Variants in ARHGEF38 observed in about 807,000 individuals in gnomAD.
ARHGEF38 encodes Rho guanine nucleotide exchange factor 38.
In ARHGEF38, 79 loss-of-function variants were observed where a neutral mutation model predicts 79.9. The ratio of observed to expected loss-of-function variants is 0.99; its 90% CI spans 0.82 to 1.19. The LOEUF (loss-of-function observed/expected upper bound fraction) is 1.19. Ranked by LOEUF, ARHGEF38 falls within the 50% of genes most tolerant of loss-of-function variation. The probability of loss-of-function intolerance (pLI) is 0.00; values close to 1 mark genes in which losing one functional copy is unlikely to be tolerated. For synonymous variants in ARHGEF38, 366 were observed against 328.3 expected (o/e 1.11, Z -1.24); for missense variants, 962 against 907.2 (o/e 1.06, Z -0.78).
At chr4:105,605,283 A>T (rs1177822819) in intron 2 of ARHGEF38, among the ~76,000 whole-genome samples, 1 of 151,958 alleles carries the variant, frequency 6.6e-6, no homozygotes, top group Admixed American at 6.6e-5. Flanking sequence ...ACTTTTTTTT[A>T]ATTTTAATTT....
In ARHGEF38 at chr4:105,671,102, C is replaced by G. The variant is rs1375551193; in HGVS notation, c.2148+3399C>G. Reference sequence around the variant, plus strand: ...AAAAAATATATTAATGGCATATCTTCATAAATTGTTATTTGCTTTCTTTTT... The same window carrying G: ...AAAAAATATATTAATGGCATATCTTGATAAATTGTTATTTGCTTTCTTTTT... On this transcript the variant is annotated intron_variant, in intron 13 of 13. Transcript: ENST00000420470. Among the ~76,000 whole-genome samples, 3 of 152,180 alleles carry G rather than the reference C, an allele frequency of 2.0e-5. 1 individual carries two copies. Among genetic ancestry groups the G allele is most frequent in the Non-Finnish European group, 4.4e-5 (3 of 68,030 alleles).
chr4:105,569,434 C>T (rs1305420477), intron 1 of ARHGEF38, among the ~76,000 whole-genome samples: 2 of 152,140 alleles, frequency 1.3e-5, no homozygotes, highest in African/African-American at 2.4e-5. Flanking sequence ...GTCAATCTCC[C>T]CTCTTGCCCT....
intron 1 of ARHGEF38, among the ~76,000 whole-genome samples, chr4:105,562,104 A>G (rs2110402751): frequency 6.6e-6 from 1 of 152,256 alleles, no homozygotes; most frequent in Middle Eastern, 3.4e-3. Flanking sequence ...GCTTTTAAGT[A>G]AAAAAGGAAA....
chr4:105,599,253 C>T (rs1200424205), intron 2 of ARHGEF38, among the ~76,000 whole-genome samples: 3 of 152,264 alleles, frequency 2.0e-5, no homozygotes, highest in African/African-American at 7.2e-5. Flanking sequence ...CTTGTTGTTA[C>T]ATTTATAAGC....
At chr4:105,665,151 C>G (rs963474658) in intron 10 of ARHGEF38, among the ~76,000 whole-genome samples, 4 of 151,888 alleles carry the variant, frequency 2.6e-5, no homozygotes, top group Non-Finnish European at 4.4e-5. Context: ...GCACACACCA[C>G]CTCACTGGGC....
intron 13 of ARHGEF38, among the ~76,000 whole-genome samples, chr4:105,670,104 G>T (rs1032924800): frequency 6.6e-6 from 1 of 152,150 alleles, no homozygotes; most frequent in Non-Finnish European, 1.5e-5. Flanking sequence ...ATATTCGTGT[G>T]CAAGTCTTTG....
intron 10 of ARHGEF38, among the ~76,000 whole-genome samples, chr4:105,662,823 C>T (rs183166625): frequency 1.8e-4 from 28 of 152,052 alleles, no homozygotes; most frequent in Non-Finnish European, 7.4e-5. Flanking sequence ...ATCTTTGATC[C>T]CCACTTTGAA....
intron 2 of ARHGEF38, among the ~76,000 whole-genome samples, chr4:105,612,838 T>A (rs1208660381): frequency 1.3e-5 from 2 of 152,086 alleles, no homozygotes; most frequent in Non-Finnish European, 1.5e-5. Context: ...TTGTTAAGGG[T>A]GTGCATGAAA....
chr4:105,680,038 C>T lies in ARHGEF38; in HGVS notation c.*2101C>T. 3.4e-6 allele frequency: 3 copies of T among 886,540 alleles called. No individual in the cohort carries two copies. Among genetic ancestry groups the T allele is most frequent in the South Asian group, 2.6e-5 (2 of 76,730 alleles). 54.9% of individuals were successfully genotyped at this position (886,540 alleles called of 1,614,324 possible). A position where few individuals can be genotyped will look rare whatever the true frequency, so the allele number is the denominator to read the frequency against. On this transcript the variant is annotated 3_prime_UTR_variant, in exon 14 of 14. Transcript: ENST00000420470. ...TGGCCATGTCAGTTACATTCTTCTTCGTCTCACAGAAAATAATAGCCCTCC... is the reference window on the plus strand; with the variant it reads ...TGGCCATGTCAGTTACATTCTTCTTTGTCTCACAGAAAATAATAGCCCTCC...
chr4:105,679,450 C>T lies in ARHGEF38; in HGVS notation c.*1513C>T, dbSNP rs1199060382. ...GCACAGCTGACATCCTGTATTTCCT[C>T]TAGGCTTTCCAGAGTCATGGTCACA... On this transcript the variant is annotated 3_prime_UTR_variant, in exon 14 of 14. Coordinates refer to ENST00000420470, the MANE Select transcript of ARHGEF38 (RefSeq NM_001242729.2). 198 of 1,590,314 alleles carry T rather than the reference C, an allele frequency of 1.2e-4. No individual in the cohort carries two copies. Among genetic ancestry groups the T allele is most frequent in the South Asian group, 1.7e-4 (15 of 90,504 alleles).
chr4:105,650,631 GGCATGTGGTGACTCC>G (rs1403350036), intron 7 of ARHGEF38, among the ~76,000 whole-genome samples: 1 of 152,176 alleles, frequency 6.6e-6, no homozygotes, highest in Non-Finnish European at 1.5e-5. Context: ...AGCCCTGTGT[GGCATGTGGTGACTCC>G]TCTCTCTGGG....
intron 3 of ARHGEF38, among the ~76,000 whole-genome samples, chr4:105,619,336 T>C (rs958164308): frequency 6.6e-6 from 1 of 151,554 alleles, no homozygotes; most frequent in African/African-American, 2.4e-5. Flanking sequence ...GGCTTGAGAG[T>C]AAGGTCCTTG....
At chr4:105,595,251 C>T (rs1046102488) in intron 2 of ARHGEF38, among the ~76,000 whole-genome samples, 5 of 152,114 alleles carry the variant, frequency 3.3e-5, no homozygotes, top group Non-Finnish European at 7.4e-5. Flanking sequence ...TTTGAATGCA[C>T]ACTTGGTAGA....
Position 105,573,445 on chromosome 4 carries a change from C to A in ARHGEF38, c.197-15803C>A, listed in dbSNP as rs575603680. On this transcript the variant is annotated intron_variant, in intron 1 of 13. Transcript: ENST00000420470. ...GGGTCTAACTTCATTCTTTTGCATG[C>A]AAATATCCAATTTTCCCGGCACCAT... Among the ~76,000 whole-genome samples the A allele has an allele frequency of 5.3e-5, 8 of 152,258 alleles. No homozygotes were observed. The East Asian group carries it at 1.5e-3, about 29-fold the overall frequency.
intron 2 of ARHGEF38, among the ~76,000 whole-genome samples, chr4:105,597,742 C>T (rs776292741): frequency 6.6e-6 from 1 of 152,248 alleles, no homozygotes. Context: ...CCAATGCACA[C>T]ATTCTATTGT....
At chr4:105,671,311 A>T (rs1730950305) in intron 13 of ARHGEF38, among the ~76,000 whole-genome samples, 1 of 152,234 alleles carries the variant, frequency 6.6e-6, no homozygotes, top group Admixed American at 6.5e-5. Flanking sequence ...AACCCTGTGC[A>T]GGGAAAAAGT....
chr4:105,564,401 A>C (rs1277262136), intron 1 of ARHGEF38, among the ~76,000 whole-genome samples: 1 of 152,208 alleles, frequency 6.6e-6, no homozygotes, highest in Non-Finnish European at 1.5e-5. Flanking sequence ...AGCTAGTCAC[A>C]AAAGGACAAA....
chr4:105,671,166 C>G (rs1252165182), intron 13 of ARHGEF38, among the ~76,000 whole-genome samples: 1 of 152,148 alleles, frequency 6.6e-6, no homozygotes, highest in Non-Finnish European at 1.5e-5. Flanking sequence ...GGCATAGCAT[C>G]AGGAATATAA....
chr4:105,675,714 G>C (rs1177329698), intron 13 of ARHGEF38, among the ~76,000 whole-genome samples: 1 of 152,180 alleles, frequency 6.6e-6, no homozygotes, highest in African/African-American at 2.4e-5. Context: ...ATTTCTCACA[G>C]TTGTGGAGGC....
Sources: allele counts gnomAD v4.1 joint callset (sites outside exome capture counted in the v4.1 genomes callset), GRCh38; gene constraint gnomAD v4.1.1; transcripts MANE v1.5; gene names NCBI Gene and HGNC (gene_info 2026-07-23, HGNC 2026-07-21).